POLR3B: variants seen among roughly 807,000 people sequenced by gnomAD.
POLR3B encodes the protein DNA-directed RNA polymerase III subunit RPC2.
In POLR3B, 96 loss-of-function variants were observed where a neutral mutation model predicts 147.4. The observed-to-expected ratio is 0.65, with a 90% CI of 0.55 to 0.77. POLR3B has a LOEUF of 0.77. Ranked by LOEUF, POLR3B falls within the 30% of genes least tolerant of loss-of-function variation. POLR3B has a pLI of 0.00. For synonymous variants in POLR3B, 461 were observed against 485.9 expected (o/e 0.95, Z 0.67); for missense variants, 1,036 against 1,413.5 (o/e 0.73, Z 4.28).
chr12:106,387,949 GA>G (rs2036862559), intron 9 of POLR3B, among the ~76,000 whole-genome samples: 2 of 152,180 alleles, frequency 1.3e-5, no homozygotes, highest in Non-Finnish European at 2.9e-5. Flanking sequence ...GGGGATACCA[GA>G]AAAGACACAT....
chr12:106,464,875 CTA>C (rs1345232014), intron 23 of POLR3B, among the ~76,000 whole-genome samples: 1 of 152,158 alleles, frequency 6.6e-6, no homozygotes, highest in Non-Finnish European at 1.5e-5. Context: ...GCCAGTGAAA[CTA>C]TGTCAGACTA....
At chr12:106,357,998 G>C in intron 1 of POLR3B, 47 bp downstream of exon 1, 1 of 1,603,200 alleles carries the variant, frequency 6.2e-7, no homozygotes, top group Non-Finnish European at 8.5e-7. Flanking sequence ...GATGCGCCCT[G>C]AGGGGGCGTT....
intron 2 of POLR3B, 46 bp from the exon 3 acceptor site, chr12:106,366,470 T>C (rs1416267935): frequency 4.7e-6 from 6 of 1,285,590 alleles, no homozygotes; most frequent in Non-Finnish European, 5.7e-6. Flanking sequence ...ATCAGTACTC[T>C]TTGCACTTTT....
intron 9 of POLR3B, among the ~76,000 whole-genome samples, chr12:106,390,238 A>C (rs2036896126): frequency 1.4e-5 from 2 of 145,306 alleles, no homozygotes; most frequent in Admixed American, 6.9e-5. Context: ...AAAAAAGCAA[A>C]ACAAAAAAAC....
At chr12:106,416,493 A>G (rs1465043172) in intron 12 of POLR3B, among the ~76,000 whole-genome samples, 1 of 151,984 alleles carries the variant, frequency 6.6e-6, no homozygotes, top group Non-Finnish European at 1.5e-5. Flanking sequence ...GTACAAAGCA[A>G]TCCCAACACA....
At chr12:106,441,648 T>C (rs2037652959) in intron 18 of POLR3B, among the ~76,000 whole-genome samples, 1 of 152,216 alleles carries the variant, frequency 6.6e-6, no homozygotes. Flanking sequence ...GTTATTACAT[T>C]ATCTACCTAC....
chr12:106,376,246 G>A (rs1593005316), intron 6 of POLR3B, 113 bp from the exon 7 acceptor site: 1 of 740,992 alleles, frequency 1.3e-6, no homozygotes, highest in East Asian at 2.6e-5. Context: ...TTTCTAACAT[G>A]GTGCATAGAT....
Position 106,432,214 on chromosome 12 carries a change from T to TGC in POLR3B, c.1465-103_1465-102dup, listed in dbSNP as rs1168970678. The stretch of plus-strand genomic sequence containing the variant: ...CACAGTATCCCCTACAAAGTTGTAC[T>TGC]GCTTTGCATTGCTGCCAGCAAAGTA... On this transcript the variant is annotated intron_variant, in intron 14 of 27. Transcript: ENST00000228347. 4.9e-6 allele frequency: 5 copies of TGC among 1,011,476 alleles called. No homozygotes were observed. The African/African-American group carries it at 7.9e-5, about 16-fold the overall frequency. The allele number at this position is 1,011,476 out of a possible 1,614,324, so 62.7% of individuals were successfully genotyped here.
chr12:106,486,950 G>A (rs2038349660), intron 23 of POLR3B, among the ~76,000 whole-genome samples: 1 of 152,206 alleles, frequency 6.6e-6, no homozygotes, highest in Non-Finnish European at 1.5e-5. Context: ...GCCACAAAAA[G>A]AGGGCACTTG....
At chr12:106,427,537 G>A (rs1186830058) in intron 13 of POLR3B, among the ~76,000 whole-genome samples, 179 bp downstream of exon 13, 2 of 152,102 alleles carry the variant, frequency 1.3e-5, no homozygotes, top group Admixed American at 1.3e-4. Context: ...TAACTTTCCT[G>A]CCAAATTATA....
chr12:106,437,869 T>G (rs2037598687), intron 18 of POLR3B, 90 bp downstream of exon 18: 1 of 767,148 alleles, frequency 1.3e-6, no homozygotes, highest in African/African-American at 1.7e-5. Flanking sequence ...TCCTTCTATC[T>G]TTTACTCTTT....
chr12:106,505,391 G>A (rs757550734), intron 27 of POLR3B, among the ~76,000 whole-genome samples: 2 of 151,894 alleles, frequency 1.3e-5, no homozygotes, highest in Non-Finnish European at 2.9e-5. Flanking sequence ...AGGCTCAAGC[G>A]ATCCTCTCAC....
intron 8 of POLR3B, among the ~76,000 whole-genome samples, chr12:106,378,656 A>G (rs1322428824): frequency 6.6e-6 from 1 of 152,180 alleles, no homozygotes; most frequent in East Asian, 1.9e-4. Context: ...AGATTTAAAA[A>G]AAAAAAAATA....
chr12:106,375,287 A>G (rs945469789), intron 6 of POLR3B, among the ~76,000 whole-genome samples: 4 of 152,222 alleles, frequency 2.6e-5, no homozygotes, highest in South Asian at 2.1e-4. Flanking sequence ...GGTGTTTAGT[A>G]TCTTGACTGT....
intron 19 of POLR3B, among the ~76,000 whole-genome samples, chr12:106,447,149 C>T (rs764360003): frequency 1.3e-5 from 2 of 152,144 alleles, no homozygotes; most frequent in Non-Finnish European, 2.9e-5. Flanking sequence ...ATTCATCTGT[C>T]TGCTGGTCCA....
rs560447102 is a variant in POLR3B, at chr12:106,365,488, G to A, written c.106-1028G>A. 2.0e-5 allele frequency among the ~76,000 whole-genome samples: 3 copies of A among 152,286 alleles called. No homozygotes were observed. In the South Asian group the frequency reaches 6.2e-4, roughly 32 times the overall value. On this transcript the variant is annotated intron_variant, in intron 2 of 27. Transcript: ENST00000228347. The stretch of plus-strand genomic sequence containing the variant: ...TCCTGCCTCTGCCTCCCGAGTAGCT[G>A]TGACTGTAGGAATGTGACACCTTGC...
intron 12 of POLR3B, among the ~76,000 whole-genome samples, chr12:106,426,066 C>T (rs1202363596): frequency 6.6e-6 from 1 of 152,012 alleles, no homozygotes; most frequent in East Asian, 1.9e-4. Context: ...GTATGGTTTC[C>T]AGATTTTAGC....
chr12:106,453,265 A>T (rs1485953407), intron 19 of POLR3B, among the ~76,000 whole-genome samples: 3 of 151,306 alleles, frequency 2.0e-5, no homozygotes, highest in Admixed American at 6.6e-5. Flanking sequence ...ACCCACATCG[A>T]CCTCGCAAAG....
intron 9 of POLR3B, among the ~76,000 whole-genome samples, chr12:106,389,183 G>A (rs373566848): frequency 6.6e-6 from 1 of 152,198 alleles, no homozygotes; most frequent in African/African-American, 2.4e-5. Flanking sequence ...ATTTGTAGCT[G>A]TGACTACTGA....
Sources: allele counts gnomAD v4.1 joint callset (sites outside exome capture counted in the v4.1 genomes callset), GRCh38; gene constraint gnomAD v4.1.1; transcripts MANE v1.5; gene names NCBI Gene and HGNC (gene_info 2026-07-23, HGNC 2026-07-21).